Variants in ANKRD31 observed in about 807,000 individuals in gnomAD.
ANKRD31 encodes the protein ankyrin repeat domain-containing protein 31.
A neutral mutation model predicts 186.0 loss-of-function variants in ANKRD31; 147 were observed. That is an observed-to-expected ratio of 0.79 (90% confidence interval 0.69 to 0.91). The LOEUF (loss-of-function observed/expected upper bound fraction) is 0.91, where lower values mean the gene tolerates loss of function less well. Among genes scored for constraint, ANKRD31 ranks in the 40% least tolerant of loss-of-function variants. ANKRD31 has a pLI of 0.00. For missense variants in ANKRD31, 1,986 were observed against 2,148.8 expected (o/e 0.92, Z 1.50); for synonymous variants, 673 against 736.4 (o/e 0.91, Z 1.39).
chr5:75,236,448 G>A (rs970808286), intron 1 of ANKRD31, 135 bp downstream of exon 1: 1 of 657,442 alleles, frequency 1.5e-6, no homozygotes, highest in Non-Finnish European at 2.5e-6. Flanking sequence ...AGGCACGGCT[G>A]CCCCACAAGG....
chr5:75,098,604 C>T (rs1352189248), intron 22 of ANKRD31, among the ~76,000 whole-genome samples: 3 of 152,084 alleles, frequency 2.0e-5, no homozygotes, highest in Non-Finnish European at 2.9e-5. Context: ...TCTTTTATTT[C>T]GTTGAGCAGT....
intron 24 of ANKRD31, among the ~76,000 whole-genome samples, 171 bp downstream of exon 24, chr5:75,084,101 C>T (rs6453111): frequency 0.51 from 77,219 of 151,968 alleles, 22,677 homozygotes; most frequent in African/African-American, 0.82. Context: ...GGTGGTTGCA[C>T]GACATTGTGA....
At chr5:75,126,288 A>G (rs1295446297) in intron 17 of ANKRD31, among the ~76,000 whole-genome samples, 1 of 152,122 alleles carries the variant, frequency 6.6e-6, no homozygotes, top group Non-Finnish European at 1.5e-5. Flanking sequence ...CTAAAAATAC[A>G]AAAATTAGGT....
chr5:75,106,543 C>T (rs1364979019), intron 21 of ANKRD31, among the ~76,000 whole-genome samples: 2 of 151,968 alleles, frequency 1.3e-5, no homozygotes, highest in Non-Finnish European at 1.5e-5. Flanking sequence ...AGTTCAGACA[C>T]AAAACTTAAG....
At chr5:75,090,030 G>A (rs1745811228) in intron 23 of ANKRD31, among the ~76,000 whole-genome samples, 1 of 152,218 alleles carries the variant, frequency 6.6e-6, no homozygotes, top group Non-Finnish European at 1.5e-5. Context: ...AAGAACCTAA[G>A]CTACAGCATT....
At chr5:75,214,118 T>C (rs1173980184) in intron 3 of ANKRD31, among the ~76,000 whole-genome samples, 1 of 152,250 alleles carries the variant, frequency 6.6e-6, no homozygotes, top group African/African-American at 2.4e-5. Flanking sequence ...TCCATACAAT[T>C]GCCTTTTAGA....
intron 17 of ANKRD31, among the ~76,000 whole-genome samples, chr5:75,135,444 G>A (rs1469593708): frequency 2.1e-4 from 31 of 149,640 alleles, no homozygotes; most frequent in African/African-American, 4.8e-4. Flanking sequence ...AAATACCTAG[G>A]AATCCAACTT....
chr5:75,100,294 G>C (rs1746733149), intron 22 of ANKRD31, among the ~76,000 whole-genome samples: 5 of 152,196 alleles, frequency 3.3e-5, no homozygotes, highest in Admixed American at 3.3e-4. Context: ...GAGACAGTTT[G>C]TTATAAATTC....
intron 14 of ANKRD31, among the ~76,000 whole-genome samples, 163 bp from the exon 15 acceptor site, chr5:75,144,334 G>T (rs1751272211): frequency 1.3e-5 from 2 of 152,108 alleles, no homozygotes; most frequent in Admixed American, 6.6e-5. Context: ...AAAGTTTGCT[G>T]GTTGCAGCTC....
chr5:75,211,425 TGGAGA>T (rs1756639767), intron 3 of ANKRD31, among the ~76,000 whole-genome samples: 1 of 152,234 alleles, frequency 6.6e-6, no homozygotes, highest in Non-Finnish European at 1.5e-5. Context: ...TTTTTGGCTA[TGGAGA>T]ATAATGCTGC....
chr5:75,099,059 C>G (rs1327579999), intron 22 of ANKRD31, among the ~76,000 whole-genome samples: 1 of 152,108 alleles, frequency 6.6e-6, no homozygotes, highest in Non-Finnish European at 1.5e-5. Context: ...ATGATATTGG[C>G]TGTGGGTTTG....
At chr5:75,078,894 A>G (rs1744866882) in intron 25 of ANKRD31, among the ~76,000 whole-genome samples, 1 of 152,208 alleles carries the variant, frequency 6.6e-6, no homozygotes, top group African/African-American at 2.4e-5. Context: ...AAGTTTTGAA[A>G]TTTCAAGGGA....
intron 17 of ANKRD31, among the ~76,000 whole-genome samples, chr5:75,132,550 C>G (rs1425840226): frequency 6.6e-6 from 1 of 152,108 alleles, no homozygotes; most frequent in Non-Finnish European, 1.5e-5. Context: ...ATCGGTGTAC[C>G]TGAAAGTGAC....
chr5:75,207,160 C>T (rs1310652199), intron 4 of ANKRD31, among the ~76,000 whole-genome samples: 1 of 152,098 alleles, frequency 6.6e-6, no homozygotes, highest in Admixed American at 6.6e-5. Flanking sequence ...GTTTTAAGAG[C>T]AGTTTTTAAT....
At chr5:75,109,686 C>T (rs1747610009) in intron 20 of ANKRD31, among the ~76,000 whole-genome samples, 1 of 152,130 alleles carries the variant, frequency 6.6e-6, no homozygotes, top group African/African-American at 2.4e-5. Flanking sequence ...AAAGTTGCTG[C>T]TGAGCTGAGA....
Position 75,068,522 on chromosome 5 carries a change from G to T in ANKRD31, c.5790C>A (p.Pro1930=). Residue 1930 remains proline, a synonymous_variant, in exon 26 of 26, where the codon CCC becomes CCA. Transcript: ENST00000506364. ...KFCVECEELT[P] Reference sequence around the variant, plus strand: ...AAAATATTAAGAAACCAAGGTTTTAGGGTGTTAGTTCCTCACATTCCACAC... The same window carrying T: ...AAAATATTAAGAAACCAAGGTTTTATGGTGTTAGTTCCTCACATTCCACAC... The T allele has an allele frequency of 6.7e-7, 1 of 1,487,692 alleles. No individual in the cohort carries two copies. Among genetic ancestry groups the T allele is most frequent in the Non-Finnish European group, 8.9e-7 (1 of 1,126,358 alleles). The allele number at this position is 1,487,692 out of a possible 1,614,324, so 92.2% of individuals were successfully genotyped here.
At chr5:75,092,822 C>T (rs1746026419) in intron 22 of ANKRD31, among the ~76,000 whole-genome samples, 1 of 151,868 alleles carries the variant, frequency 6.6e-6, no homozygotes. Context: ...TAAATATGTT[C>T]AAGGAACTAA....
Position 75,100,220 on chromosome 5 carries a change from T to G in ANKRD31, c.5331+4008A>C, listed in dbSNP as rs1037540392. 3.9e-5 allele frequency among the ~76,000 whole-genome samples: 6 copies of G among 152,326 alleles called. No homozygotes were observed. In the South Asian group the frequency reaches 1.0e-3, roughly 26 times the overall value. On this transcript the variant is annotated intron_variant, in intron 22 of 25. Coordinates refer to ENST00000506364, the MANE Select transcript of ANKRD31 (RefSeq NM_001372053.1). ...AGGAGCAGGTTGTTCAGTTTCCATG[T>G]ATTTGAGCGGTTTTGAGTGAGTTTC... is the stretch of plus-strand genomic sequence containing the variant.
At position 75,084,316 on chromosome 5, in the gene ANKRD31, G is replaced by C. The variant is rs975053072; in HGVS notation, c.5531C>G (p.Pro1844Arg). 16 of 1,537,136 alleles carry C rather than the reference G, an allele frequency of 1.0e-5. No homozygotes were observed. The highest frequency in any genetic ancestry group is 1.4e-5 in the Non-Finnish European group (16 of 1,146,864). Residue 1844 changes from proline to arginine, a missense_variant, in exon 24 of 26, where the codon CCA (proline) becomes CGA (arginine). Coordinates refer to ENST00000506364, the MANE Select transcript of ANKRD31 (RefSeq NM_001372053.1). ...RYVSEDAPILPEPNSVPQQYQ... is the reference protein window; with the variant it reads ...RYVSEDAPILREPNSVPQQYQ... ...TTGCTGAGGTACTGAGTTTGGTTCT[G>C]GAAGTATGGGTGCATCCTCAGAAAC...
Sources: allele counts gnomAD v4.1 joint callset (sites outside exome capture counted in the v4.1 genomes callset), GRCh38; gene constraint gnomAD v4.1.1; transcripts MANE v1.5; gene names NCBI Gene and HGNC (gene_info 2026-07-23, HGNC 2026-07-21).